TANC1: variants seen among roughly 807,000 people sequenced by gnomAD.
TANC1 encodes the protein protein TANC1.
TANC1 carries 77 observed loss-of-function variants against 149.7 expected under a neutral mutation model. That is an observed-to-expected ratio of 0.51 (90% CI 0.43 to 0.62). TANC1 has a LOEUF of 0.62. TANC1 is among the 20% of genes least tolerant of loss of function. The pLI is 0.00. For synonymous variants in TANC1, 854 were observed against 925.0 expected (o/e 0.92, Z 1.39); for missense variants, 1,985 against 2,321.8 (o/e 0.85, Z 2.98).
intron 17 of TANC1, among the ~76,000 whole-genome samples, chr2:159,195,740 T>C (rs1362573063): frequency 6.6e-6 from 1 of 152,172 alleles, no homozygotes; most frequent in Non-Finnish European, 1.5e-5. Flanking sequence ...CATTTACGGA[T>C]GGCAGCTGGG....
intron 14 of TANC1, among the ~76,000 whole-genome samples, chr2:159,181,900 TAAAG>T (rs1471617890): frequency 6.6e-6 from 1 of 152,130 alleles, no homozygotes; most frequent in East Asian, 1.9e-4. Flanking sequence ...ATTATGAAGA[TAAAG>T]AATAGTTTGA....
At chr2:159,093,477 A>T (rs984887835) in intron 3 of TANC1, among the ~76,000 whole-genome samples, 1 of 152,158 alleles carries the variant, frequency 6.6e-6, no homozygotes, top group African/African-American at 2.4e-5. Flanking sequence ...TGCCCGTGGC[A>T]TCATCGTGAT....
rs754372413 is a variant in TANC1 at position 159,227,937 on chromosome 2, AT to A, written c.4025del (p.Leu1342CysfsTer24). 1 of 1,613,056 alleles carries A rather than the reference AT, an allele frequency of 6.2e-7. No individual in the cohort carries two copies. The highest frequency in any genetic ancestry group is 8.5e-7 in the Non-Finnish European group (1 of 1,179,754). On this transcript the variant is annotated frameshift_variant, in exon 25 of 27. Coordinates refer to ENST00000263635, the MANE Select transcript of TANC1 (RefSeq NM_033394.3). LOFTEE classifies it high-confidence loss of function. ...FNELRVSLYL[N>X]LSRCRRKTND... is the part of the protein sequence containing the mutation. ...GAATTAAGGGTTTCCCTCTATCTCAATTTGTCGCGATGCCGAAGAAAAACAA... is the reference window on the plus strand; with the variant it reads ...GAATTAAGGGTTTCCCTCTATCTCAATTGTCGCGATGCCGAAGAAAAACAA...
chr2:158,995,185 G>A lies in TANC1; in HGVS notation c.-125-5895G>A, dbSNP rs116940880. 2.0e-4 allele frequency among the ~76,000 whole-genome samples: 30 copies of A among 152,298 alleles called. No homozygotes were observed. In the East Asian group the frequency reaches 5.4e-3, roughly 27 times the overall value. ...GGATTCCCTGTGTTTGCATAAGGTTGTCCTGTAGCTCTTTCTGTATTTACA... is the reference window on the plus strand; with the variant it reads ...GGATTCCCTGTGTTTGCATAAGGTTATCCTGTAGCTCTTTCTGTATTTACA... On this transcript the variant is annotated intron_variant, in intron 1 of 26. Transcript: ENST00000263635.
intron 1 of TANC1, among the ~76,000 whole-genome samples, chr2:158,987,819 C>T (rs1447322535): frequency 6.6e-6 from 1 of 152,112 alleles, no homozygotes; most frequent in Non-Finnish European, 1.5e-5. Flanking sequence ...AGTCAGAACA[C>T]CTGGACTTGA....
At chr2:159,227,543 A>G in intron 24 of TANC1, 1 of 405,660 alleles carries the variant, frequency 2.5e-6, no homozygotes, top group East Asian at 4.7e-5. Context: ...TAAGTTTGGT[A>G]ATTATCAATC....
intron 2 of TANC1, among the ~76,000 whole-genome samples, chr2:159,032,902 T>G (rs950130512): frequency 6.6e-6 from 1 of 152,208 alleles, no homozygotes; most frequent in African/African-American, 2.4e-5. Context: ...AGCATATGAC[T>G]TCTGTCTTTG....
rs973613819 is a variant in TANC1, at chr2:159,049,265, G to A, written c.-15-16631G>A. ...GGGCAGTGCTGTGTATTTTGCAGTTGTTTTGACTGAACTTGACAGACTGTG... is the reference window on the plus strand; with the variant it reads ...GGGCAGTGCTGTGTATTTTGCAGTTATTTTGACTGAACTTGACAGACTGTG... On this transcript the variant is annotated intron_variant, in intron 2 of 26. Coordinates refer to ENST00000263635, the MANE Select transcript of TANC1 (RefSeq NM_033394.3). Among the ~76,000 whole-genome samples, 3 of 152,230 alleles carry A rather than the reference G, an allele frequency of 2.0e-5. No homozygotes were observed. The East Asian group carries it at 5.8e-4, about 29-fold the overall frequency.
intron 2 of TANC1, among the ~76,000 whole-genome samples, chr2:159,045,195 A>T (rs2040945740): frequency 6.6e-6 from 1 of 152,034 alleles, no homozygotes. Flanking sequence ...GCAGTGGCTC[A>T]CTCCTGTAAT....
intron 1 of TANC1, among the ~76,000 whole-genome samples, chr2:158,999,113 A>G (rs1037076296): frequency 1.5e-4 from 23 of 152,192 alleles, no homozygotes; most frequent in African/African-American, 4.6e-4. Flanking sequence ...GACAAGCACA[A>G]ATATCTTGTT....
chr2:159,200,642 G>C (rs2058179682), intron 19 of TANC1, among the ~76,000 whole-genome samples: 2 of 152,112 alleles, frequency 1.3e-5, no homozygotes, highest in Non-Finnish European at 2.9e-5. Flanking sequence ...TCAGTTGATG[G>C]CTAAAGACAC....
chr2:159,184,755 G>GT (rs2056817208), intron 14 of TANC1, among the ~76,000 whole-genome samples: 1 of 152,184 alleles, frequency 6.6e-6, no homozygotes, highest in African/African-American at 2.4e-5. Flanking sequence ...TTCAGGGAAT[G>GT]ACAGGGCATG....
chr2:159,146,487 G>A (rs1445216771), intron 5 of TANC1, among the ~76,000 whole-genome samples: 1 of 151,568 alleles, frequency 6.6e-6, no homozygotes, highest in East Asian at 1.9e-4. Context: ...CAAAGTCCAG[G>A]TTGTGCAGTT....
chr2:159,049,288 G>C (rs7587704), intron 2 of TANC1, among the ~76,000 whole-genome samples: 27 of 152,286 alleles, frequency 1.8e-4, no homozygotes, highest in African/African-American at 6.0e-4. Flanking sequence ...TTGACAGACT[G>C]TGACTCACAG....
At chr2:159,100,323 T>C (rs570210531) in intron 4 of TANC1, among the ~76,000 whole-genome samples, 1 of 152,196 alleles carries the variant, frequency 6.6e-6, no homozygotes, top group African/African-American at 2.4e-5. Context: ...GCCTGGAGAG[T>C]GTGGCTACCC....
intron 2 of TANC1, among the ~76,000 whole-genome samples, chr2:159,032,929 T>C (rs2039897366): frequency 6.6e-6 from 1 of 152,208 alleles, no homozygotes; most frequent in South Asian, 2.1e-4. Flanking sequence ...CTCCCCCTTT[T>C]TTCCTCCTAC....
chr2:159,149,421 G>C (rs1176121468), intron 6 of TANC1, 149 bp downstream of exon 6: 5 of 1,228,276 alleles, frequency 4.1e-6, no homozygotes, highest in Middle Eastern at 1.9e-4. Context: ...TCAACAGTTT[G>C]GTTCTGGGTT....
At chr2:159,028,584 T>C (rs1302051302) in intron 2 of TANC1, among the ~76,000 whole-genome samples, 1 of 152,198 alleles carries the variant, frequency 6.6e-6, no homozygotes, top group Non-Finnish European at 1.5e-5. Flanking sequence ...CCTAACAAAA[T>C]TTTAAGTGTA....
chr2:159,232,046 T>G lies in TANC1; in HGVS notation c.*1034T>G, dbSNP rs1279519695. 1 of 152,654 alleles carries G rather than the reference T, an allele frequency of 6.6e-6. No individual in the cohort carries two copies. The highest frequency in any genetic ancestry group is 1.5e-5 in the Non-Finnish European group (1 of 68,028). The allele number at this position is 152,654 out of a possible 1,614,324, so 9.5% of individuals were successfully genotyped here. On this transcript the variant is annotated 3_prime_UTR_variant, in exon 27 of 27. Transcript: ENST00000263635. ...CAAAAAAGAAAACCCCAGTCACGATTTGCATGTTCTCTGTAAGCTTCATCC... is the reference window on the plus strand; with the variant it reads ...CAAAAAAGAAAACCCCAGTCACGATGTGCATGTTCTCTGTAAGCTTCATCC...
Sources: allele counts gnomAD v4.1 joint callset (sites outside exome capture counted in the v4.1 genomes callset), GRCh38; gene constraint gnomAD v4.1.1; transcripts MANE v1.5; gene names NCBI Gene and HGNC (gene_info 2026-07-23, HGNC 2026-07-21).